ARSB: variants seen among roughly 807,000 people sequenced by gnomAD.
ARSB encodes N-acetylgalactosamine-4-sulfatase.
A neutral mutation model predicts 50.9 loss-of-function variants in ARSB; 41 were observed. The observed-to-expected ratio is 0.81, with a 90% CI of 0.63 to 1.04. The LOEUF (loss-of-function observed/expected upper bound fraction) is 1.04. ARSB is among the 50% of genes least tolerant of loss of function. ARSB has a pLI of 0.00. For synonymous variants in ARSB, 269 were observed against 284.8 expected, an observed-to-expected ratio of 0.94 and a Z score of 0.56; for missense variants, 672 against 693.3, an observed-to-expected ratio of 0.97 and a Z score of 0.35.
In ARSB at chr5:78,985,183, G is replaced by A. The variant is rs895965810; in HGVS notation, c.66C>T (p.Val22=). The A allele has an allele frequency of 4.9e-6, 7 of 1,417,202 alleles. No individual in the cohort carries two copies. Among genetic ancestry groups the A allele is most frequent in the Non-Finnish European group, 6.4e-6 (7 of 1,086,714 alleles). 87.8% of individuals were successfully genotyped at this position (1,417,202 alleles called of 1,614,324 possible). The change falls in exon 1 of 8, where the codon GTC becomes GTT. Residue 22 remains valine, a synonymous_variant. Coordinates refer to ENST00000264914, the MANE Select transcript of ARSB (RefSeq NM_000046.5). ...GPGPRRLLLP[V]VLPLLLLLLL... ...ACAGCAGCAGCAGCAGCGGGAGGACGACGGGGAGGAGCAGCCGCCGAGGTC... is the reference window on the plus strand; with the variant it reads ...ACAGCAGCAGCAGCAGCGGGAGGACAACGGGGAGGAGCAGCCGCCGAGGTC...
chr5:78,913,078 A>G (rs1749376645), intron 4 of ARSB, among the ~76,000 whole-genome samples: 1 of 151,764 alleles, frequency 6.6e-6, no homozygotes, highest in Admixed American at 6.6e-5. Context: ...AACAGCCAAA[A>G]ACTGTGATGA....
intron 4 of ARSB, among the ~76,000 whole-genome samples, chr5:78,936,416 G>C (rs1750604589): frequency 6.6e-6 from 1 of 150,778 alleles, no homozygotes; most frequent in South Asian, 2.1e-4. Flanking sequence ...GAGCCACTGT[G>C]CCTGGCCAGG....
intron 5 of ARSB, among the ~76,000 whole-genome samples, chr5:78,872,738 C>T (rs888053408): frequency 3.4e-5 from 5 of 146,588 alleles, no homozygotes; most frequent in African/African-American, 7.7e-5. Flanking sequence ...GTGGGTGCAG[C>T]GTACCAGCAT....
At chr5:78,963,314 G>A (rs1752076537) in intron 3 of ARSB, among the ~76,000 whole-genome samples, 1 of 152,162 alleles carries the variant, frequency 6.6e-6, no homozygotes, top group Non-Finnish European at 1.5e-5. Context: ...AGCACCACGA[G>A]CCAAATAAAC....
chr5:78,937,416 GATATATATATCAT>G (rs1324430689), intron 4 of ARSB, among the ~76,000 whole-genome samples: 1 of 132,646 alleles, frequency 7.5e-6, no homozygotes, highest in Non-Finnish European at 1.5e-5. Context: ...ATATATGTAA[GATATATATATCAT>G]ATATATGATA....
At chr5:78,820,631 C>T (rs1213471194) in intron 6 of ARSB, among the ~76,000 whole-genome samples, 5 of 152,196 alleles carry the variant, frequency 3.3e-5, no homozygotes, top group Non-Finnish European at 4.4e-5. Context: ...GAATACCATG[C>T]AGCAGTTAAA....
Position 78,885,750 on chromosome 5 carries a change from C to T in ARSB, c.976G>A (p.Val326Ile), listed in dbSNP as rs529444755. ...GRKWSLWEGG[V>I]RGVGFVASPL... ...CTTGCCACAAAGCCCACCCCTCGGA[C>T]GCCTCCTTCCCACAGGCTCCATTTT... The change falls in exon 5 of 8, where the codon GTC becomes ATC. Residue 326 changes from valine (V) to isoleucine (I), a missense_variant. Coordinates refer to ENST00000264914, the MANE Select transcript of ARSB (RefSeq NM_000046.5). 91 of 1,614,144 alleles carry T rather than the reference C, an allele frequency of 5.6e-5. No individual in the cohort carries two copies. The highest frequency in any genetic ancestry group is 1.6e-4 in the African/African-American group (12 of 75,028).
chr5:78,910,337 C>A lies in ARSB; in HGVS notation c.899-24510G>T, dbSNP rs1009831506. ...CGTCCCACCCGATGAGAAATACCCA[C>A]AGGTGTGGAGGGGCTGGCCCCCTTC... On this transcript the variant is annotated intron_variant, in intron 4 of 7. Transcript: ENST00000264914. 3.3e-5 allele frequency among the ~76,000 whole-genome samples: 5 copies of A among 152,196 alleles called. No individual in the cohort carries two copies. The East Asian group carries it at 9.6e-4, about 29-fold the overall frequency.
chr5:78,964,533 T>C lies in ARSB; in HGVS notation c.573A>G (p.Arg191=). The part of the protein sequence containing the change: ...CTLIDALNVT[R]CALDFRDGEE... ...CGCCATCTCGAAAATCAAGAGCACA[T>C]CGTGTGACATTCAGAGCGTCAATTA... Residue 191 remains arginine (R), a synonymous_variant, in exon 3 of 8, where the codon CGA becomes CGG. Coordinates refer to ENST00000264914, the MANE Select transcript of ARSB (RefSeq NM_000046.5). The C allele has an allele frequency of 6.2e-7, 1 of 1,614,028 alleles. No individual in the cohort carries two copies. The highest frequency in any genetic ancestry group is 8.5e-7 in the Non-Finnish European group (1 of 1,179,928).
intron 6 of ARSB, among the ~76,000 whole-genome samples, chr5:78,788,895 G>C (rs1749168132): frequency 6.6e-6 from 1 of 152,216 alleles, no homozygotes; most frequent in Admixed American, 6.5e-5. Context: ...TTCCCAAAGT[G>C]CTGAGGTATT....
intron 3 of ARSB, among the ~76,000 whole-genome samples, chr5:78,958,837 C>CA (rs11394259): frequency 0.27 from 40,371 of 151,824 alleles, 6,643 homozygotes; most frequent in African/African-American, 0.47. Flanking sequence ...CCAGATGACC[C>CA]AAAAAACACC....
chr5:78,893,713 A>C (rs1182051974), intron 4 of ARSB, among the ~76,000 whole-genome samples: 1 of 152,208 alleles, frequency 6.6e-6, no homozygotes, highest in Non-Finnish European at 1.5e-5. Flanking sequence ...TGAAAGTTGT[A>C]AGGTAAGCAC....
chr5:78,781,627 C>A (rs1206383575), intron 7 of ARSB, among the ~76,000 whole-genome samples: 1 of 152,128 alleles, frequency 6.6e-6, no homozygotes, highest in Non-Finnish European at 1.5e-5. Context: ...TTTCAGGTAT[C>A]TGAGCAAAGT....
chr5:78,794,280 G>T (rs529420244), intron 6 of ARSB, among the ~76,000 whole-genome samples: 34 of 152,016 alleles, frequency 2.2e-4, no homozygotes, highest in African/African-American at 8.0e-4. Flanking sequence ...AACCCACCAG[G>T]GTTCTTGGCT....
chr5:78,985,453 C>G (rs1214608869), upstream of ARSB: 1 of 379,762 alleles, frequency 2.6e-6, no homozygotes, highest in South Asian at 1.3e-4. Context: ...GAGCCAGAGA[C>G]GAACCCGCGG....
chr5:78,835,837 T>C (rs1744928425), intron 6 of ARSB, among the ~76,000 whole-genome samples: 2 of 152,190 alleles, frequency 1.3e-5, no homozygotes, highest in South Asian at 4.1e-4. Context: ...ACTGACGAAG[T>C]GGCTTTAGGG....
At chr5:78,865,919 A>T (rs1340624940) in intron 5 of ARSB, among the ~76,000 whole-genome samples, 2 of 152,164 alleles carry the variant, frequency 1.3e-5, no homozygotes, top group African/African-American at 4.8e-5. Flanking sequence ...CCTGGATTTC[A>T]TTGTCCATAT....
At chr5:78,914,823 C>T (rs1189463355) in intron 4 of ARSB, among the ~76,000 whole-genome samples, 3 of 152,162 alleles carry the variant, frequency 2.0e-5, no homozygotes, top group East Asian at 1.9e-4. Context: ...CCTGCCACCA[C>T]GCCCAGCTAA....
chr5:78,884,616 T>C (rs1042923003), intron 5 of ARSB: 1 of 152,076 alleles, frequency 6.6e-6, no homozygotes, highest in African/African-American at 2.4e-5. Flanking sequence ...CAAACAGAGG[T>C]TGAAAACCAT....
Sources: allele counts gnomAD v4.1 joint callset (sites outside exome capture counted in the v4.1 genomes callset), GRCh38; gene constraint gnomAD v4.1.1; transcripts MANE v1.5; gene names NCBI Gene and HGNC (gene_info 2026-07-23, HGNC 2026-07-21).